BCAS1: variants seen among roughly 807,000 people sequenced by gnomAD.
The protein encoded by BCAS1 is brain enriched myelin associated protein 1.
Under a neutral mutation model 65.4 loss-of-function variants are expected in BCAS1, and 46 were observed. The observed-to-expected ratio is 0.70, with a 90% CI of 0.55 to 0.90. BCAS1 has a LOEUF of 0.90. Among genes scored for constraint, BCAS1 ranks in the 40% least tolerant of loss-of-function variants. BCAS1 has a pLI of 0.00. For synonymous variants in BCAS1, 298 were observed against 293.5 expected, an observed-to-expected ratio of 1.02 and a Z score of -0.16; for missense variants, 793 against 771.2, an observed-to-expected ratio of 1.03 and a Z score of -0.33.
intron 4 of BCAS1, among the ~76,000 whole-genome samples, chr20:54,002,039 G>GT (rs770516511): frequency 0.1 from 15,154 of 145,278 alleles, 1,355 homozygotes; most frequent in African/African-American, 0.26. Context: ...CTGGTGGTTG[G>GT]TTTTTTTTTT....
intron 3 of BCAS1, among the ~76,000 whole-genome samples, chr20:54,048,266 A>T (rs1414326566): frequency 6.6e-6 from 1 of 152,168 alleles, no homozygotes; most frequent in East Asian, 1.9e-4. Context: ...CCTTTGCTCA[A>T]TTCTAATAAT....
intron 4 of BCAS1, among the ~76,000 whole-genome samples, chr20:54,014,606 C>T (rs1013235596): frequency 2.0e-5 from 3 of 152,180 alleles, no homozygotes; most frequent in Non-Finnish European, 4.4e-5. Flanking sequence ...TACTCTTAGT[C>T]TTAACACCAC....
intron 8 of BCAS1, among the ~76,000 whole-genome samples, chr20:53,984,689 T>C (rs2145770812): frequency 6.6e-6 from 1 of 152,138 alleles, no homozygotes; most frequent in East Asian, 1.9e-4. Context: ...AAGGAATAGA[T>C]CTAGAATAAC....
intron 9 of BCAS1, among the ~76,000 whole-genome samples, chr20:53,969,660 T>C (rs2090129296): frequency 6.6e-6 from 1 of 152,192 alleles, no homozygotes; most frequent in Non-Finnish European, 1.5e-5. Context: ...ACAATATCTC[T>C]AACAACTTTG....
At chr20:53,978,621 C>CCA (rs2090398205) in intron 8 of BCAS1, among the ~76,000 whole-genome samples, 3 of 152,212 alleles carry the variant, frequency 2.0e-5, no homozygotes, top group Non-Finnish European at 4.4e-5. Context: ...AAATGCTTCT[C>CCA]AGATTGTGTC....
intron 4 of BCAS1, among the ~76,000 whole-genome samples, chr20:54,007,487 C>CA (rs1222887546): frequency 1.3e-5 from 2 of 152,218 alleles, no homozygotes; most frequent in Non-Finnish European, 2.9e-5. Flanking sequence ...TCCAGGAACA[C>CA]AGGAGCCCGC....
chr20:54,024,068 C>T (rs558495912), intron 4 of BCAS1, among the ~76,000 whole-genome samples: 10 of 152,238 alleles, frequency 6.6e-5, no homozygotes, highest in Non-Finnish European at 1.2e-4. Flanking sequence ...AAAGTGTGAA[C>T]AATGTGAGAA....
intron 1 of BCAS1, among the ~76,000 whole-genome samples, chr20:54,061,593 C>T (rs16998871): frequency 2.6e-5 from 4 of 151,996 alleles, no homozygotes; most frequent in Admixed American, 6.5e-5. Context: ...TGGTAGTAGA[C>T]GCATTGAGCA....
At chr20:53,985,014 C>T (rs957673583) in intron 8 of BCAS1, among the ~76,000 whole-genome samples, 4 of 152,160 alleles carry the variant, frequency 2.6e-5, no homozygotes, top group Admixed American at 6.5e-5. Context: ...AATACCACAA[C>T]CCTCTGTCAT....
In BCAS1 at chr20:54,028,644, GGC is replaced by G; in HGVS notation, c.469_470del (p.Ala157ProfsTer19). On this transcript the variant is annotated frameshift_variant, in exon 4 of 13. Coordinates refer to ENST00000688948, the MANE Select transcript of BCAS1 (RefSeq NM_001366298.2). LOFTEE classifies it high-confidence loss of function. The part of the protein sequence containing the change: ...GQDTDKTPGH[A>X]PAQDKVLSAA... ...CAGAGAGGACCTTGTCTTGGGCCGG[GGC>G]GTGCCCTGGGGTTTTATCTGTGTCC... The G allele has an allele frequency of 2.5e-6, 4 of 1,614,190 alleles. No homozygotes were observed. Among genetic ancestry groups the G allele is most frequent in the Non-Finnish European group, 3.4e-6 (4 of 1,180,032 alleles).
chr20:54,069,735 A>G (rs1352483414), intron 1 of BCAS1, among the ~76,000 whole-genome samples: 1 of 152,200 alleles, frequency 6.6e-6, no homozygotes, highest in African/African-American at 2.4e-5. Context: ...CACTTTACAG[A>G]TGAGGAAACT....
At chr20:53,979,352 G>A (rs577249545) in intron 8 of BCAS1, among the ~76,000 whole-genome samples, 2 of 152,310 alleles carry the variant, frequency 1.3e-5, no homozygotes, top group South Asian at 4.1e-4. Context: ...GTGGCTGGTA[G>A]AACAACTCAT....
intron 4 of BCAS1, among the ~76,000 whole-genome samples, chr20:54,010,447 T>C (rs1378422514): frequency 6.6e-6 from 1 of 152,142 alleles, no homozygotes; most frequent in Non-Finnish European, 1.5e-5. Flanking sequence ...TTCTATATAC[T>C]AGGAATGAAC....
rs117454850 is a variant in BCAS1, at chr20:54,051,515, A to G, written c.142+6570T>C. On this transcript the variant is annotated intron_variant, in intron 3 of 12. Coordinates refer to ENST00000688948, the MANE Select transcript of BCAS1 (RefSeq NM_001366298.2). The stretch of plus-strand genomic sequence containing the variant: ...GCTGACAAAATAGCTAAGAGATGTC[A>G]TCTCTTCACAAAACACCTCCCCATC... Among the ~76,000 whole-genome samples the G allele has an allele frequency of 2.4e-3, 365 of 152,228 alleles. 16 individuals are homozygous for G. In the East Asian group the frequency reaches 0.065, roughly 27 times the overall value.
At position 54,028,413 on chromosome 20, in the gene BCAS1, G is replaced by A. The variant is rs1394971450; in HGVS notation, c.702C>T (p.Ser234=). ...VDEVPGLSGQ[S]DDVPAGKDIV... is the part of the protein sequence containing the mutation. ...TTACCTTCCCTGCAGGGACATCATC[G>A]GACTGCCCTGATAAGCCAGGAACCT... is the stretch of plus-strand genomic sequence containing the variant. Residue 234 remains serine, a synonymous_variant, in exon 4 of 13, where the codon TCC becomes TCT. Coordinates refer to ENST00000688948, the MANE Select transcript of BCAS1 (RefSeq NM_001366298.2). 10 of 1,614,040 alleles carry A rather than the reference G, an allele frequency of 6.2e-6. No individual in the cohort carries two copies. The African/African-American group carries it at 8.0e-5, about 13-fold the overall frequency.
In BCAS1 at chr20:53,954,437, C is replaced by T. The variant is rs548018273; in HGVS notation, c.1552-742G>A. Among the ~76,000 whole-genome samples the T allele has an allele frequency of 2.3e-4, 35 of 152,158 alleles. 1 individual carries two copies. In the South Asian group the frequency reaches 6.9e-3, roughly 30 times the overall value. ...TTGAAGGGGCTACTCCCACTTGCAA[C>T]CACATGCGAGTGTTTTCCTGGGGAT... is the stretch of plus-strand genomic sequence containing the variant. On this transcript the variant is annotated intron_variant, in intron 11 of 12. Transcript: ENST00000688948.
intron 4 of BCAS1, among the ~76,000 whole-genome samples, chr20:53,997,699 A>G (rs1304271620): frequency 6.6e-6 from 1 of 152,218 alleles, no homozygotes; most frequent in African/African-American, 2.4e-5. Flanking sequence ...GAGGTCCTGC[A>G]GGTACATCGG....
At chr20:53,953,319 G>T in intron 12 of BCAS1, 113 bp downstream of exon 12, 2 of 1,328,446 alleles carry the variant, frequency 1.5e-6, no homozygotes, top group Non-Finnish European at 2.1e-6. Flanking sequence ...CTGAGTGATA[G>T]ACCCGGGATC....
At chr20:53,951,067 C>T (rs1469748128) in intron 12 of BCAS1, among the ~76,000 whole-genome samples, 1 of 152,192 alleles carries the variant, frequency 6.6e-6, no homozygotes. Flanking sequence ...CTTTTTCAGC[C>T]TTCGTACCTA....
Sources: gnomAD v4.1 joint callset for allele counts (sites outside exome capture counted in the v4.1 genomes callset) on GRCh38, gnomAD v4.1.1 for gene constraint, MANE v1.5 for transcripts, NCBI Gene and HGNC (gene_info 2026-07-23, HGNC 2026-07-21) for gene names.